The following GPHN variants were observed in gnomAD, a reference collection of about 807,000 sequenced individuals.
GPHN encodes the protein gephyrin.
A neutral mutation model predicts 95.5 loss-of-function variants in GPHN; 17 were observed. That is an observed-to-expected ratio of 0.18 (90% CI 0.12 to 0.27). The LOEUF is 0.27. Among genes scored for constraint, GPHN ranks in the 10% least tolerant of loss-of-function variants. GPHN has a pLI of 1.00. For synonymous variants in GPHN, 320 were observed against 322.5 expected, an observed-to-expected ratio of 0.99 and a Z score of 0.08; for missense variants, 660 against 978.1, an observed-to-expected ratio of 0.67 and a Z score of 4.34.
At chr14:67,579,968 TG>T in the GPHN span, 2 of 1,234,154 alleles carry the variant, frequency 1.6e-6, no homozygotes, top group Non-Finnish European at 2.2e-6. Flanking sequence ...TCTGACTGTT[TG>T]GTAGCTCATT....
At chr14:67,034,959 A>G (rs1469507360) in intron 10 of GPHN, among the ~76,000 whole-genome samples, 2 of 152,118 alleles carry the variant, frequency 1.3e-5, no homozygotes, top group African/African-American at 4.8e-5. Flanking sequence ...CAATAGTAAA[A>G]TACACATTCT....
chr14:67,566,342 G>C, the GPHN span, among the ~76,000 whole-genome samples: 1 of 152,178 alleles, frequency 6.6e-6, no homozygotes, highest in African/African-American at 2.4e-5. Flanking sequence ...CAAATGCAGA[G>C]GTTGGGAGCA....
At chr14:67,429,162 T>C in the GPHN span, among the ~76,000 whole-genome samples, 1 of 151,800 alleles carries the variant, frequency 6.6e-6, no homozygotes, top group African/African-American at 2.4e-5. Flanking sequence ...ACAATAACAA[T>C]GATGAGGCCC....
chr14:67,007,482 A>G lies in GPHN; in HGVS notation c.964-16151A>G, dbSNP rs750524761. On this transcript the variant is annotated intron_variant, in intron 9 of 22. Coordinates refer to ENST00000478722, the MANE Select transcript of GPHN (RefSeq NM_020806.5). ...CCCTTTCCACATATCAAGTTTATCT[A>G]TAACTTCACCAATTTATTAGTTTTA... Among the ~76,000 whole-genome samples the G allele has an allele frequency of 4.6e-5, 7 of 152,180 alleles. No homozygotes were observed. The South Asian group carries it at 6.2e-4, about 14-fold the overall frequency.
the GPHN span, chr14:67,541,917 G>C: frequency 1.2e-6 from 2 of 1,605,278 alleles, no homozygotes; most frequent in Admixed American, 3.4e-5. Context: ...TGGCAGAAAC[G>C]CTGCCTGACC....
At chr14:67,380,978 C>G in the GPHN span, among the ~76,000 whole-genome samples, 20 of 152,272 alleles carry the variant, frequency 1.3e-4, no homozygotes, top group Non-Finnish European at 2.8e-4. Context: ...GTGAGTTCAG[C>G]TAACCTAAAG....
At chr14:67,064,811 G>A (rs2075977156) in intron 11 of GPHN, among the ~76,000 whole-genome samples, 1 of 152,110 alleles carries the variant, frequency 6.6e-6, no homozygotes, top group South Asian at 2.1e-4. Flanking sequence ...GCATCTATTT[G>A]GTTCTTATCT....
chr14:66,919,915 A>T (rs937641537), intron 6 of GPHN, among the ~76,000 whole-genome samples: 1 of 152,118 alleles, frequency 6.6e-6, no homozygotes, highest in Non-Finnish European at 1.5e-5. Flanking sequence ...AAATAAAAAA[A>T]AACTAGCCAG....
At chr14:66,761,966 A>C (rs1386395955) in intron 2 of GPHN, among the ~76,000 whole-genome samples, 2 of 152,138 alleles carry the variant, frequency 1.3e-5, no homozygotes, top group Non-Finnish European at 2.9e-5. Context: ...TTCCTGGTAG[A>C]GCATACTTTA....
chr14:66,736,180 T>A (rs1017826513), intron 2 of GPHN, among the ~76,000 whole-genome samples: 1 of 152,140 alleles, frequency 6.6e-6, no homozygotes, highest in Non-Finnish European at 1.5e-5. Context: ...TAGTCCCTAT[T>A]ATTCATGCAA....
intron 17 of GPHN, among the ~76,000 whole-genome samples, chr14:67,131,758 C>T (rs2079729779): frequency 6.6e-6 from 1 of 152,172 alleles, no homozygotes; most frequent in Non-Finnish European, 1.5e-5. Flanking sequence ...TTGAATATAA[C>T]AAGCGGTAAT....
intron 9 of GPHN, chr14:66,969,327 T>C (rs1446632147): frequency 6.6e-6 from 1 of 152,232 alleles, no homozygotes; most frequent in African/African-American, 2.4e-5. Context: ...ACATAAATTA[T>C]ATTTAAAGAA....
intron 1 of GPHN, among the ~76,000 whole-genome samples, chr14:66,551,813 A>G (rs1171816170): frequency 6.6e-6 from 1 of 152,222 alleles, no homozygotes; most frequent in African/African-American, 2.4e-5. Context: ...AGTTTTAAAC[A>G]ACCAGATCTC....
chr14:67,203,048 C>A, the GPHN span: 1 of 1,579,842 alleles, frequency 6.3e-7, no homozygotes, highest in Non-Finnish European at 8.6e-7. Flanking sequence ...GTTGTCAAAG[C>A]CACACATTTC....
chr14:67,506,916 A>G, the GPHN span, among the ~76,000 whole-genome samples: 130,872 of 152,004 alleles, frequency 0.86, 57,781 homozygotes, highest in Non-Finnish European at 0.95. Context: ...CACAGGAGGC[A>G]AAGGTTGCAG....
the GPHN span, among the ~76,000 whole-genome samples, chr14:67,514,423 A>T: frequency 6.6e-6 from 1 of 152,134 alleles, no homozygotes. Context: ...AGGACCAGAG[A>T]TCAGGGAGGG....
At chr14:66,646,178 A>G (rs28712222) in intron 1 of GPHN, among the ~76,000 whole-genome samples, 47,207 of 152,100 alleles carry the variant, frequency 0.31, 11,165 homozygotes, top group African/African-American at 0.63. Context: ...AAGATACTCA[A>G]TGGCCAACAA....
At chr14:67,725,169 T>C in the GPHN span, 1 of 1,614,156 alleles carries the variant, frequency 6.2e-7, no homozygotes, top group African/African-American at 1.3e-5. Flanking sequence ...TCCGAGTGGA[T>C]ACAAAGAACT....
chr14:66,900,104 G>A (rs755729963), intron 5 of GPHN, among the ~76,000 whole-genome samples: 4 of 151,710 alleles, frequency 2.6e-5, no homozygotes, highest in Non-Finnish European at 5.9e-5. Flanking sequence ...GTATTAATAC[G>A]CCTGTTTCAT....
Sources: allele counts gnomAD v4.1 joint callset (sites outside exome capture counted in the v4.1 genomes callset), GRCh38; gene constraint gnomAD v4.1.1; transcripts MANE v1.5; gene names NCBI Gene and HGNC (gene_info 2026-07-23, HGNC 2026-07-21).